Variants in IL18 observed in about 807,000 individuals in gnomAD.
IL18 encodes the protein interleukin 18, also known as interleukin-18.
In IL18, 8 loss-of-function variants were observed where a neutral mutation model predicts 14.2. That is an observed-to-expected ratio of 0.56 (90% confidence interval 0.33 to 1.01). IL18 has a LOEUF of 1.01. Ranked by LOEUF, IL18 falls within the 50% of genes least tolerant of loss-of-function variation. The pLI is 0.03. For synonymous variants in IL18, 67 were observed against 71.0 expected, an observed-to-expected ratio of 0.94 and a Z score of 0.28; for missense variants, 166 against 231.1, an observed-to-expected ratio of 0.72 and a Z score of 1.83.
In IL18 at chr11:112,154,537, C is replaced by T. The variant is rs537607840; in HGVS notation, c.79+438G>A. Among the ~76,000 whole-genome samples, 15 of 151,806 alleles carry T rather than the reference C, an allele frequency of 9.9e-5. No individual in the cohort carries two copies. The East Asian group carries it at 2.7e-3, about 27-fold the overall frequency. On this transcript the variant is annotated intron_variant, in intron 2 of 5. Coordinates refer to ENST00000280357, the MANE Select transcript of IL18 (RefSeq NM_001562.4). ...AAAAAAAAAAAAGAATCAATTTTTA[C>T]TTGTCAAACATATTTACATAAAATG...
intron 4 of IL18, among the ~76,000 whole-genome samples, chr11:112,149,842 T>C (rs1379337205): frequency 1.3e-5 from 2 of 152,146 alleles, no homozygotes; most frequent in Non-Finnish European, 2.9e-5. Flanking sequence ...GGATTGGTGA[T>C]TCAAAGGCAG....
intron 1 of IL18, among the ~76,000 whole-genome samples, chr11:112,158,414 T>C (rs577397712): frequency 6.6e-6 from 1 of 152,314 alleles, no homozygotes; most frequent in African/African-American, 2.4e-5. Flanking sequence ...GCATTATTAC[T>C]AGTGTTTTGT....
intron 3 of IL18, 86 bp downstream of exon 3, chr11:112,153,506 T>A: frequency 1.1e-6 from 1 of 888,820 alleles, no homozygotes; most frequent in Non-Finnish European, 1.7e-6. Context: ...ACCATTTTTT[T>A]TTTTCCTCAG....
At chr11:112,159,633 A>T (rs1000777729) in intron 1 of IL18, among the ~76,000 whole-genome samples, 1 of 152,216 alleles carries the variant, frequency 6.6e-6, no homozygotes, top group Non-Finnish European at 1.5e-5. Context: ...TAAAATAATT[A>T]GTTCAGTTTT....
intron 5 of IL18, among the ~76,000 whole-genome samples, chr11:112,145,922 A>C (rs990811233): frequency 1.6e-4 from 24 of 152,118 alleles, no homozygotes; most frequent in African/African-American, 5.8e-4. Context: ...ATCATAGGGA[A>C]GGTACATAGC....
At chr11:112,151,002 A>C (rs1222406752) in intron 3 of IL18, 1 of 152,130 alleles carries the variant, frequency 6.6e-6, no homozygotes. Context: ...TGTACCCTCT[A>C]CTGAAGCTTT....
At chr11:112,157,883 G>C (rs1364458967) in intron 1 of IL18, among the ~76,000 whole-genome samples, 1 of 152,180 alleles carries the variant, frequency 6.6e-6, no homozygotes, top group Non-Finnish European at 1.5e-5. Flanking sequence ...TGGATACAGA[G>C]TTTCGCTCTT....
At chr11:112,161,075 CT>C (rs1555192220) in intron 1 of IL18, among the ~76,000 whole-genome samples, 5,704 of 147,300 alleles carry the variant, frequency 0.039, 330 homozygotes, top group African/African-American at 0.13. Flanking sequence ...AGACTACTGA[CT>C]TTTTTTTTTT....
chr11:112,152,907 C>G (rs1464551382), intron 3 of IL18: 1 of 152,192 alleles, frequency 6.6e-6, no homozygotes, highest in African/African-American at 2.4e-5. Flanking sequence ...TTTACCCTAG[C>G]TAATACATAT....
chr11:112,161,717 T>C (rs1045811744), intron 1 of IL18, among the ~76,000 whole-genome samples: 1 of 152,178 alleles, frequency 6.6e-6, no homozygotes, highest in African/African-American at 2.4e-5. Context: ...GAATAACTGA[T>C]TGAACCCATG....
At chr11:112,154,089 A>G (rs1424333507) in intron 2 of IL18, among the ~76,000 whole-genome samples, 1 of 152,120 alleles carries the variant, frequency 6.6e-6, no homozygotes, top group Non-Finnish European at 1.5e-5. Flanking sequence ...CCTCCAAAGA[A>G]GGTAGGAGGT....
intron 1 of IL18, among the ~76,000 whole-genome samples, chr11:112,159,884 T>C (rs1205951428): frequency 6.6e-6 from 1 of 152,158 alleles, no homozygotes; most frequent in Non-Finnish European, 1.5e-5. Context: ...TACAAACTAT[T>C]CTTTTAGGAA....
At chr11:112,146,433 G>A (rs1866344258) in intron 5 of IL18, among the ~76,000 whole-genome samples, 1 of 152,158 alleles carries the variant, frequency 6.6e-6, no homozygotes, top group African/African-American at 2.4e-5. Flanking sequence ...CGATTCTTCT[G>A]CCTCAGGCTC....
intron 3 of IL18, among the ~76,000 whole-genome samples, chr11:112,152,692 TATG>T (rs1566741484): frequency 6.6e-6 from 1 of 152,104 alleles, no homozygotes; most frequent in African/African-American, 2.4e-5. Flanking sequence ...ACCCAGGAAG[TATG>T]ATGATTTTCA....
intron 1 of IL18, among the ~76,000 whole-genome samples, chr11:112,156,864 A>G (rs932757857): frequency 6.6e-5 from 10 of 151,678 alleles, no homozygotes; most frequent in Admixed American, 2.6e-4. Context: ...TTTATAAGCT[A>G]TTTATAATAT....
chr11:112,157,739 C>T (rs574686819), intron 1 of IL18, among the ~76,000 whole-genome samples: 3 of 151,694 alleles, frequency 2.0e-5, no homozygotes, highest in Non-Finnish European at 2.9e-5. Context: ...GCGGGGAGAC[C>T]GAGAAAATAT....
intron 1 of IL18, among the ~76,000 whole-genome samples, chr11:112,158,521 GTT>G (rs71060226): frequency 9.5e-6 from 1 of 104,982 alleles, no homozygotes. Context: ...TTTATTTGGA[GTT>G]TTTTTTTTTT....
chr11:112,159,429 T>G (rs953039138), intron 1 of IL18, among the ~76,000 whole-genome samples: 1 of 151,638 alleles, frequency 6.6e-6, no homozygotes, highest in Non-Finnish European at 1.5e-5. Context: ...ATTTTAACAA[T>G]TAAGAGTTGA....
Position 112,150,155 on chromosome 11 carries a change from A to G in IL18, c.143T>C (p.Ile48Thr). ...GAGAACTTGGTCATTCAAATTTCTT[A>G]TGACTGATAATTTAGATTCAAGCTT... ...FGKLESKLSVIRNLNDQVLFI... is the reference protein window; with the variant it reads ...FGKLESKLSVTRNLNDQVLFI... Residue 48 changes from isoleucine to threonine, a missense_variant, in exon 4 of 6, where the codon ATA (isoleucine) becomes ACA (threonine). Ile to Thr is a moderately conservative substitution (Grantham distance 89). Transcript: ENST00000280357. The G allele has an allele frequency of 1.9e-6, 3 of 1,599,578 alleles. No homozygotes were observed. Among genetic ancestry groups the G allele is most frequent in the Non-Finnish European group, 2.6e-6 (3 of 1,167,516 alleles).
Sources: allele counts gnomAD v4.1 joint callset (sites outside exome capture counted in the v4.1 genomes callset), GRCh38; gene constraint gnomAD v4.1.1; transcripts MANE v1.5; gene names NCBI Gene and HGNC (gene_info 2026-07-23, HGNC 2026-07-21).